Variants in ADAMTSL1 observed in about 807,000 individuals in gnomAD.
ADAMTSL1 encodes the protein ADAMTS-like protein 1.
In ADAMTSL1, 126 loss-of-function variants were observed where a neutral mutation model predicts 201.8. The observed-to-expected ratio is 0.62, with a 90% CI of 0.54 to 0.72. ADAMTSL1 has a LOEUF of 0.72. Ranked by LOEUF, ADAMTSL1 falls within the 30% of genes least tolerant of loss-of-function variation. ADAMTSL1 has a pLI of 0.00. For synonymous variants in ADAMTSL1, 1,121 were observed against 903.4 expected (o/e 1.24, Z -4.32); for missense variants, 2,679 against 2,277.8 (o/e 1.18, Z -3.59).
intron 3 of ADAMTSL1, among the ~76,000 whole-genome samples, chr9:18,566,945 G>A (rs967733932): frequency 6.6e-6 from 1 of 152,150 alleles, no homozygotes; most frequent in East Asian, 1.9e-4. Context: ...TGATGGATTG[G>A]ATATGGAAGT....
intron 13 of ADAMTSL1, among the ~76,000 whole-genome samples, chr9:18,700,090 G>A (rs999505536): frequency 1.3e-5 from 2 of 152,274 alleles, no homozygotes; most frequent in African/African-American, 4.8e-5. Flanking sequence ...TCTCATTTAT[G>A]TGGAATGATT....
At chr9:18,790,815 G>A (rs1821989427) in intron 19 of ADAMTSL1, among the ~76,000 whole-genome samples, 1 of 152,080 alleles carries the variant, frequency 6.6e-6, no homozygotes, top group Non-Finnish European at 1.5e-5. Context: ...TAAATTTTAG[G>A]CTAGAAAAAT....
At chr9:18,234,962 T>A (rs1181811844) in intron 2 of ADAMTSL1, among the ~76,000 whole-genome samples, 1 of 152,220 alleles carries the variant, frequency 6.6e-6, no homozygotes, top group Non-Finnish European at 1.5e-5. Context: ...TCCATATACC[T>A]CACACTGAGA....
At chr9:18,544,730 T>G (rs1235261485) in intron 3 of ADAMTSL1, among the ~76,000 whole-genome samples, 1 of 152,246 alleles carries the variant, frequency 6.6e-6, no homozygotes, top group East Asian at 1.9e-4. Flanking sequence ...TGACTCAGTA[T>G]GAATAGGAAT....
chr9:17,988,250 G>A (rs1451163481), intron 1 of ADAMTSL1, among the ~76,000 whole-genome samples: 1 of 152,048 alleles, frequency 6.6e-6, no homozygotes, highest in South Asian at 2.1e-4. Context: ...GGAAAGAATG[G>A]AATGTTCAAG....
intron 2 of ADAMTSL1, among the ~76,000 whole-genome samples, chr9:18,424,530 C>A (rs1819115324): frequency 6.6e-6 from 1 of 152,074 alleles, no homozygotes; most frequent in African/African-American, 2.4e-5. Flanking sequence ...TCCAGGATAG[C>A]CTGCACAGAA....
In ADAMTSL1 at chr9:18,776,790, G is replaced by A. The variant is rs1420484143; in HGVS notation, c.2561G>A (p.Arg854Gln). The A allele has an allele frequency of 6.5e-7, 1 of 1,549,564 alleles. No individual in the cohort carries two copies. Among genetic ancestry groups the A allele is most frequent in the African/African-American group, 1.4e-5 (1 of 73,224 alleles). ...CMLATCARPG[R>Q]PSTKHSPHIA... ...TTCGCTCTCCTTCCAGGGCCCGGGC[G>A]GCCATCCACGAAGCACAGCCCGCAC... Residue 854 changes from arginine to glutamine, a missense_variant, in exon 19 of 29, where the codon CGG (arginine) becomes CAG (glutamine). Arg to Gln is a conservative substitution (Grantham distance 43). Coordinates refer to ENST00000380548, the MANE Select transcript of ADAMTSL1 (RefSeq NM_001040272.6).
At chr9:18,867,926 G>A (rs1827645954) in intron 23 of ADAMTSL1, among the ~76,000 whole-genome samples, 1 of 152,158 alleles carries the variant, frequency 6.6e-6, no homozygotes. Context: ...ATGCCTGGCT[G>A]AAATACATAC....
At chr9:18,629,530 T>C (rs1826610256) in intron 5 of ADAMTSL1, among the ~76,000 whole-genome samples, 1 of 152,178 alleles carries the variant, frequency 6.6e-6, no homozygotes, top group Non-Finnish European at 1.5e-5. Flanking sequence ...TAGATTGTTA[T>C]TGTGATGAAT....
chr9:18,173,682 A>G (rs941370304), intron 2 of ADAMTSL1, among the ~76,000 whole-genome samples: 4 of 152,258 alleles, frequency 2.6e-5, no homozygotes, highest in Non-Finnish European at 5.9e-5. Context: ...TAAAAGCCCC[A>G]ACACTAATGC....
At chr9:18,859,788 T>TAA (rs1554649819) in intron 23 of ADAMTSL1, among the ~76,000 whole-genome samples, 5 of 152,244 alleles carry the variant, frequency 3.3e-5, no homozygotes, top group Non-Finnish European at 7.3e-5. Flanking sequence ...TAATTATCTA[T>TAA]AAAGAGTTGA....
intron 1 of ADAMTSL1, among the ~76,000 whole-genome samples, chr9:18,112,893 G>T: frequency 6.6e-6 from 1 of 152,148 alleles, no homozygotes; most frequent in East Asian, 1.9e-4. Context: ...TTGTCAGAGG[G>T]ATACTGAGGA....
chr9:18,766,454 G>C (rs1421628764), intron 16 of ADAMTSL1, among the ~76,000 whole-genome samples: 1 of 152,200 alleles, frequency 6.6e-6, no homozygotes, highest in African/African-American at 2.4e-5. Context: ...GTTTCCAACA[G>C]GAGGAAGGAA....
intron 13 of ADAMTSL1, among the ~76,000 whole-genome samples, chr9:18,688,599 C>T (rs79430088): frequency 0.25 from 32,421 of 127,404 alleles, 4,932 homozygotes; most frequent in Middle Eastern, 0.38. Flanking sequence ...GCCTGGGAGG[C>T]GGAGGCTGCA....
chr9:18,498,337 CCTT>C (rs1822637091), intron 1 of ADAMTSL1, among the ~76,000 whole-genome samples: 1 of 144,688 alleles, frequency 6.9e-6, no homozygotes, highest in Admixed American at 6.9e-5. Context: ...CCCCCCACCC[CCTT>C]TTTTTTTTTT....
chr9:18,182,814 A>C (rs766563372), intron 2 of ADAMTSL1, among the ~76,000 whole-genome samples: 3 of 152,188 alleles, frequency 2.0e-5, no homozygotes, highest in Non-Finnish European at 4.4e-5. Flanking sequence ...TGCGGGTTAC[A>C]GTTCGGGCAG....
At chr9:18,589,254 T>C (rs1046806422) in intron 4 of ADAMTSL1, among the ~76,000 whole-genome samples, 1 of 152,128 alleles carries the variant, frequency 6.6e-6, no homozygotes, top group African/African-American at 2.4e-5. Flanking sequence ...TCAATTTCTG[T>C]CATCAATGTT....
chr9:18,218,073 T>C lies in ADAMTSL1; in HGVS notation c.207+54092T>C, dbSNP rs562706186. 4.6e-5 allele frequency among the ~76,000 whole-genome samples: 7 copies of C among 152,316 alleles called. No homozygotes were observed. The East Asian group carries it at 1.2e-3, about 25-fold the overall frequency. ...ATATAAAAAATAAGAAAGTTTAATTTTGAGTTTTTCCTGACATTTTCAAAG... is the reference window on the plus strand; with the variant it reads ...ATATAAAAAATAAGAAAGTTTAATTCTGAGTTTTTCCTGACATTTTCAAAG... On this transcript the variant is annotated intron_variant, in intron 2 of 29. Coordinates refer to the ADAMTSL1 transcript ENST00000680146.
chr9:18,778,762 C>T (rs986748025), intron 19 of ADAMTSL1, among the ~76,000 whole-genome samples: 2 of 152,166 alleles, frequency 1.3e-5, no homozygotes, highest in African/African-American at 2.4e-5. Context: ...CCTTATAGAA[C>T]AGGAAATACA....
Sources: allele counts gnomAD v4.1 joint callset (sites outside exome capture counted in the v4.1 genomes callset), GRCh38; gene constraint gnomAD v4.1.1; transcripts MANE v1.5; gene names NCBI Gene and HGNC (gene_info 2026-07-23, HGNC 2026-07-21).